The following SGCZ variants were observed in gnomAD, a reference collection of about 807,000 sequenced individuals.
SGCZ encodes the protein zeta-sarcoglycan.
SGCZ carries 40 observed loss-of-function variants against 41.3 expected under a neutral mutation model. The ratio of observed to expected loss-of-function variants is 0.97; its 90% CI spans 0.75 to 1.26. SGCZ has a LOEUF of 1.26. SGCZ is among the 50% of genes most tolerant of loss of function. The pLI, the probability that SGCZ is intolerant of heterozygous loss-of-function variation, is 0.00. For synonymous variants in SGCZ, 206 were observed against 137.5 expected (o/e 1.50, Z -3.49); for missense variants, 552 against 369.8 (o/e 1.49, Z -4.04).
At chr8:14,551,688 G>C (rs1803873783) in intron 2 of SGCZ, among the ~76,000 whole-genome samples, 1 of 74,572 alleles carries the variant, frequency 1.3e-5, no homozygotes, top group Non-Finnish European at 2.7e-5. Flanking sequence ...TGCTCTCATA[G>C]CCAGGAAATT....
intron 1 of SGCZ, among the ~76,000 whole-genome samples, chr8:14,871,178 G>T (rs1421664056): frequency 2.6e-5 from 4 of 152,020 alleles, no homozygotes; most frequent in African/African-American, 9.7e-5. Flanking sequence ...TTGCACTCCA[G>T]CCTGGGCAAC....
At chr8:14,122,744 T>G (rs1563139527) in intron 5 of SGCZ, among the ~76,000 whole-genome samples, 2 of 152,182 alleles carry the variant, frequency 1.3e-5, no homozygotes, top group Non-Finnish European at 2.9e-5. Context: ...TCTTCTCCCC[T>G]TGTTTTTAGG....
At chr8:14,567,790 A>G (rs1389537556) in intron 1 of SGCZ, among the ~76,000 whole-genome samples, 4 of 152,040 alleles carry the variant, frequency 2.6e-5, no homozygotes, top group African/African-American at 9.7e-5. Context: ...CACTGGGAGG[A>G]ATGAACACCT....
At chr8:15,061,301 C>A (rs1804919232) in intron 1 of SGCZ, among the ~76,000 whole-genome samples, 1 of 150,032 alleles carries the variant, frequency 6.7e-6, no homozygotes. Flanking sequence ...CCAAACACCA[C>A]ATGTTCTCAC....
At chr8:15,194,185 TCACACACACACACACACACA>T (rs34127082) in intron 1 of SGCZ, among the ~76,000 whole-genome samples, 19 of 139,494 alleles carry the variant, frequency 1.4e-4, no homozygotes, top group African/African-American at 4.8e-4. Flanking sequence ...CCACCTCTAA[TCACACACACACACACACACA>T]CACACACACA....
chr8:14,549,818 G>T (rs139315226), intron 2 of SGCZ, among the ~76,000 whole-genome samples: 1 of 152,018 alleles, frequency 6.6e-6, no homozygotes, highest in African/African-American at 2.4e-5. Context: ...AAAGAAACAA[G>T]TAAATAAGGA....
At chr8:14,664,615 G>A (rs1221036166) in intron 1 of SGCZ, among the ~76,000 whole-genome samples, 1 of 152,130 alleles carries the variant, frequency 6.6e-6, no homozygotes, top group East Asian at 1.9e-4. Flanking sequence ...AAAGCAGGAT[G>A]TAACCAACTA....
At chr8:14,378,445 T>G (rs1027595852) in intron 2 of SGCZ, among the ~76,000 whole-genome samples, 1 of 152,086 alleles carries the variant, frequency 6.6e-6, no homozygotes, top group Non-Finnish European at 1.5e-5. Flanking sequence ...TAATTAAACT[T>G]AAGAGCTTCT....
chr8:14,874,255 G>C (rs1439222724), intron 1 of SGCZ, among the ~76,000 whole-genome samples: 1 of 152,064 alleles, frequency 6.6e-6, no homozygotes. Flanking sequence ...TCTTGCTATA[G>C]TCAATCTGAC....
intron 1 of SGCZ, among the ~76,000 whole-genome samples, chr8:14,861,671 T>C (rs961049770): frequency 1.3e-5 from 2 of 152,126 alleles, no homozygotes; most frequent in African/African-American, 4.8e-5. Context: ...TTAGAAACTT[T>C]AATAGCAATT....
chr8:14,231,568 T>A (rs1290142996), intron 4 of SGCZ, among the ~76,000 whole-genome samples: 1 of 151,468 alleles, frequency 6.6e-6, no homozygotes, highest in African/African-American at 2.4e-5. Flanking sequence ...TTTTTTTTTC[T>A]GAATTGAGTT....
intron 1 of SGCZ, among the ~76,000 whole-genome samples, chr8:15,058,149 T>A (rs550948612): frequency 6.6e-6 from 1 of 152,212 alleles, no homozygotes; most frequent in African/African-American, 2.4e-5. Flanking sequence ...ACCATACACA[T>A]GAACACTAAT....
At chr8:14,565,092 T>C (rs974766269) in intron 1 of SGCZ, among the ~76,000 whole-genome samples, 1 of 152,146 alleles carries the variant, frequency 6.6e-6, no homozygotes, top group Non-Finnish European at 1.5e-5. Context: ...AGACAGGAAA[T>C]AGATGATTCT....
intron 1 of SGCZ, among the ~76,000 whole-genome samples, chr8:14,982,444 G>C (rs1801697804): frequency 6.6e-6 from 1 of 152,186 alleles, no homozygotes; most frequent in Admixed American, 6.5e-5. Context: ...TCAAAAGATT[G>C]TAATGAGAGT....
intron 1 of SGCZ, among the ~76,000 whole-genome samples, chr8:14,757,666 C>T (rs1203487062): frequency 2.0e-5 from 3 of 152,198 alleles, no homozygotes; most frequent in Non-Finnish European, 4.4e-5. Context: ...CTTTCGGTTT[C>T]ACAGCAACTC....
At chr8:14,204,337 C>T (rs1232519370) in intron 4 of SGCZ, among the ~76,000 whole-genome samples, 1 of 150,468 alleles carries the variant, frequency 6.6e-6, no homozygotes, top group African/African-American at 2.5e-5. Flanking sequence ...ATACCAAATA[C>T]CAGCATTACC....
At chr8:15,096,852 A>AT (rs889485299) in intron 1 of SGCZ, among the ~76,000 whole-genome samples, 12 of 151,710 alleles carry the variant, frequency 7.9e-5, no homozygotes, top group African/African-American at 2.9e-4. Context: ...CACCTGGCTA[A>AT]TTTTTTTGTA....
intron 1 of SGCZ, among the ~76,000 whole-genome samples, chr8:14,676,170 A>C (rs1415460859): frequency 6.6e-6 from 1 of 152,204 alleles, no homozygotes; most frequent in Non-Finnish European, 1.5e-5. Context: ...TGTTGAACCT[A>C]GACTACAGGC....
intron 2 of SGCZ, among the ~76,000 whole-genome samples, chr8:14,326,942 C>T (rs7814772): frequency 0.2 from 30,458 of 151,890 alleles, 3,767 homozygotes; most frequent in Non-Finnish European, 0.29. Context: ...TGAGGATTTG[C>T]TAGACAGGAA....
Sources: gnomAD v4.1 joint callset for allele counts (sites outside exome capture counted in the v4.1 genomes callset) on GRCh38, gnomAD v4.1.1 for gene constraint, MANE v1.5 for transcripts, NCBI Gene and HGNC (gene_info 2026-07-23, HGNC 2026-07-21) for gene names.